Variants in HNRNPA2B1 observed in about 807,000 individuals in gnomAD.
HNRNPA2B1 encodes heterogeneous nuclear ribonucleoproteins A2/B1.
HNRNPA2B1 carries 3 observed loss-of-function variants against 46.3 expected under a neutral mutation model. The ratio of observed to expected loss-of-function variants is 0.06; its 90% CI spans 0.03 to 0.17. The LOEUF (loss-of-function observed/expected upper bound fraction) is 0.17. Ranked by LOEUF, HNRNPA2B1 falls within the 10% of genes least tolerant of loss-of-function variation. The pLI, the probability that HNRNPA2B1 is intolerant of heterozygous loss-of-function variation, is 1.00. For missense variants in HNRNPA2B1, 221 were observed against 418.9 expected, an observed-to-expected ratio of 0.53 and a Z score of 4.12; for synonymous variants, 225 against 133.8, an observed-to-expected ratio of 1.68 and a Z score of -4.70.
intron 6 of HNRNPA2B1, 98 bp downstream of exon 6, chr7:26,196,303 T>A (rs1783628566): frequency 2.0e-6 from 2 of 977,636 alleles, no homozygotes; most frequent in South Asian, 1.6e-5. Flanking sequence ...TTAGGAAAAT[T>A]GACTTAGGTT....
rs1782879693 is a variant in HNRNPA2B1 at position 26,191,209 on chromosome 7, A to G, written c.*1151T>C. 1 of 152,384 alleles carries G rather than the reference A, an allele frequency of 6.6e-6. No homozygotes were observed. The highest frequency in any genetic ancestry group is 1.5e-5 in the Non-Finnish European group (1 of 67,974). 9.4% of individuals were successfully genotyped at this position (152,384 alleles called of 1,614,324 possible). A position where few individuals can be genotyped will look rare whatever the true frequency, so the allele number is the denominator to read the frequency against. On this transcript the variant is annotated 3_prime_UTR_variant, in exon 11 of 11. Transcript: ENST00000618183. ...AGGGGGAGGGGGTGGGAAAAGAAGG[A>G]AAAAAAGGGAAAAACAACCAAAATA...
chr7:26,195,663 C>G (rs1401455468), intron 7 of HNRNPA2B1, 184 bp downstream of exon 7: 2 of 590,038 alleles, frequency 3.4e-6, no homozygotes, highest in Non-Finnish European at 5.8e-6. Flanking sequence ...AAATGGCACT[C>G]TATTCCTTAG....
chr7:26,193,158 A>G (rs1213736800), intron 9 of HNRNPA2B1, 93 bp downstream of exon 9: 5 of 1,276,846 alleles, frequency 3.9e-6, no homozygotes, highest in Non-Finnish European at 5.5e-6. Flanking sequence ...TGCCCACAGT[A>G]CAAACTACTT....
intron 7 of HNRNPA2B1, among the ~76,000 whole-genome samples, 200 bp from the exon 8 acceptor site, chr7:26,193,894 T>C (rs981065957): frequency 6.6e-6 from 1 of 152,168 alleles, no homozygotes; most frequent in Non-Finnish European, 1.5e-5. Flanking sequence ...GATAACACCA[T>C]GTGCACACAG....
intron 1 of HNRNPA2B1, chr7:26,198,567 G>A (rs1439082653): frequency 6.6e-6 from 1 of 152,230 alleles, no homozygotes; most frequent in South Asian, 2.1e-4. Context: ...GAAAGCTGAA[G>A]CTTACTTGAT....
intron 8 of HNRNPA2B1, 43 bp from the exon 9 acceptor site, chr7:26,193,416 C>T: frequency 1.3e-6 from 2 of 1,587,720 alleles, no homozygotes; most frequent in East Asian, 2.2e-5. Context: ...AAACATTAAA[C>T]CAAGGACTTA....
In HNRNPA2B1 at chr7:26,200,591, G is replaced by T; in HGVS notation, c.-14C>A. 1 of 1,613,538 alleles carries T rather than the reference G, an allele frequency of 6.2e-7. No homozygotes were observed. Among genetic ancestry groups the T allele is most frequent in the Non-Finnish European group, 8.5e-7 (1 of 1,180,008 alleles). Reference sequence around the variant, plus strand: ...CGTTACCTCCATCGCGGACTCAGTCGCTTCAGCCCGATTTCCCGCAGCCGA... The same window carrying T: ...CGTTACCTCCATCGCGGACTCAGTCTCTTCAGCCCGATTTCCCGCAGCCGA... On this transcript the variant is annotated 5_prime_UTR_variant, in exon 1 of 11. Transcript: ENST00000618183.
intron 2 of HNRNPA2B1, 40 bp downstream of exon 2, chr7:26,197,581 TA>T: frequency 6.4e-7 from 1 of 1,570,294 alleles, no homozygotes; most frequent in Non-Finnish European, 8.8e-7. Context: ...AACATACAGC[TA>T]AAAGACTAAT....
At chr7:26,193,458 A>C (rs756713431) in intron 8 of HNRNPA2B1, 85 bp from the exon 9 acceptor site, 1 of 1,536,412 alleles carries the variant, frequency 6.5e-7, no homozygotes. Flanking sequence ...AAATAAAAGC[A>C]AACACTTATC....
At chr7:26,195,449 T>C (rs1002392573) in intron 7 of HNRNPA2B1, among the ~76,000 whole-genome samples, 5 of 152,254 alleles carry the variant, frequency 3.3e-5, no homozygotes, top group African/African-American at 1.2e-4. Flanking sequence ...TTTTGAAAGT[T>C]ATCCTGGGAT....
chr7:26,193,555 G>A lies in HNRNPA2B1; in HGVS notation c.841+20C>T, dbSNP rs753977811. 2.5e-6 allele frequency: 4 copies of A among 1,572,914 alleles called. No individual in the cohort carries two copies. The highest frequency in any genetic ancestry group is 3.4e-6 in the Non-Finnish European group (4 of 1,166,550). On this transcript the variant is annotated intron_variant, in intron 8 of 10. Transcript: ENST00000618183. The stretch of plus-strand genomic sequence containing the variant: ...ATTAATTCCAAATTCCCACATAAAG[G>A]TTGCAGGTGAATTTATTACCTCCTC...
At chr7:26,195,996 G>A in intron 6 of HNRNPA2B1, 87 bp from the exon 7 acceptor site, 2 of 1,491,738 alleles carry the variant, frequency 1.3e-6, no homozygotes, top group Non-Finnish European at 8.9e-7. Context: ...TACTACCTCA[G>A]CACAATAATT....
chr7:26,192,653 C>G (rs1783031892), intron 9 of HNRNPA2B1, 76 bp from the exon 10 acceptor site: 4 of 1,167,614 alleles, frequency 3.4e-6, no homozygotes, highest in Admixed American at 1.7e-5. Flanking sequence ...ACAGTTGATT[C>G]TATTTTATAT....
At position 26,194,406 on chromosome 7, in the gene HNRNPA2B1, ACAATGTT is replaced by A. The variant is rs1413280599; in HGVS notation, c.722-719_722-713del. On this transcript the variant is annotated intron_variant, in intron 7 of 10. Coordinates refer to ENST00000618183, the MANE Select transcript of HNRNPA2B1 (RefSeq NM_002137.4). ...GAGAGACTCCCTCTCAAAAAACGAAACAATGTTCTTGGCTGGGCGCAGCAGCTCACAC... is the reference window on the plus strand; with the variant it reads ...GAGAGACTCCCTCTCAAAAAACGAAACTTGGCTGGGCGCAGCAGCTCACAC... Among the ~76,000 whole-genome samples the A allele has an allele frequency of 3.9e-5, 6 of 151,944 alleles. No individual in the cohort carries two copies. In the East Asian group the frequency reaches 1.2e-3, roughly 29 times the overall value.
At chr7:26,198,040 T>A in intron 1 of HNRNPA2B1, 1 of 437,276 alleles carries the variant, frequency 2.3e-6, no homozygotes, top group East Asian at 3.6e-5. Flanking sequence ...AAAAAAAAAC[T>A]TTCTAAGGAA....
chr7:26,193,950 T>TA (rs1783200098), intron 7 of HNRNPA2B1, among the ~76,000 whole-genome samples: 2 of 152,226 alleles, frequency 1.3e-5, no homozygotes, highest in Admixed American at 1.3e-4. Context: ...CTAAAAATCT[T>TA]AAGTATCTTG....
intron 6 of HNRNPA2B1, 134 bp from the exon 7 acceptor site, chr7:26,196,043 T>C: frequency 1.6e-6 from 2 of 1,250,554 alleles, no homozygotes; most frequent in African/African-American, 1.5e-5. Flanking sequence ...TGCTACCAGT[T>C]TACCCACAAA....
intron 7 of HNRNPA2B1, 44 bp from the exon 8 acceptor site, chr7:26,193,738 T>TA (rs1233908461): frequency 2.6e-6 from 4 of 1,542,774 alleles, no homozygotes; most frequent in Non-Finnish European, 3.6e-6. Flanking sequence ...ATATTTTCAA[T>TA]ACCATTTTGA....
chr7:26,197,438 T>C lies in HNRNPA2B1; in HGVS notation c.141A>G (p.Lys47=). The C allele has an allele frequency of 6.2e-7, 1 of 1,614,032 alleles. No individual in the cohort carries two copies. The highest frequency in any genetic ancestry group is 1.7e-5 in the Admixed American group (1 of 59,994). The change falls in exon 3 of 11, where the codon AAA becomes AAG. Residue 47 remains lysine, a synonymous_variant. Transcript: ENST00000618183. ...TTACAAAACCAAATCCTCTTGATCT[T>C]TTGCTTGCAGGATCCCTCATTACCT... ...DCVVMRDPAS[K]RSRGFGFVTF... is the part of the protein sequence containing the mutation.
Sources: allele counts gnomAD v4.1 joint callset (sites outside exome capture counted in the v4.1 genomes callset), GRCh38; gene constraint gnomAD v4.1.1; transcripts MANE v1.5; gene names NCBI Gene and HGNC (gene_info 2026-07-23, HGNC 2026-07-21).